CTNND2: variants seen among roughly 807,000 people sequenced by gnomAD.
CTNND2 encodes catenin delta-2.
In CTNND2, 22 loss-of-function variants were observed where a neutral mutation model predicts 144.4. The ratio of observed to expected loss-of-function variants is 0.15; its 90% CI spans 0.11 to 0.22. CTNND2 has a LOEUF of 0.22. Among genes scored for constraint, CTNND2 ranks in the 10% least tolerant of loss-of-function variants. The probability of loss-of-function intolerance (pLI) is 1.00; values close to 1 mark genes in which losing one functional copy is unlikely to be tolerated. For missense variants in CTNND2, 1,353 were observed against 1,618.8 expected, an observed-to-expected ratio of 0.84 and a Z score of 2.82; for synonymous variants, 751 against 695.6, an observed-to-expected ratio of 1.08 and a Z score of -1.25.
At chr5:11,752,535 G>GTCTGT (rs1788680974) in intron 1 of CTNND2, among the ~76,000 whole-genome samples, 4 of 149,916 alleles carry the variant, frequency 2.7e-5, no homozygotes, top group Admixed American at 2.0e-4. Flanking sequence ...TGGTCTATGT[G>GTCTGT]TCTGTTCTTT....
intron 3 of CTNND2, among the ~76,000 whole-genome samples, chr5:11,537,023 C>T (rs1032635796): frequency 4.6e-5 from 7 of 151,562 alleles, no homozygotes; most frequent in African/African-American, 1.4e-4. Context: ...CCATCCGAGA[C>T]CAAGTGAATC....
At chr5:11,367,573 A>G (rs1472311680) in intron 7 of CTNND2, among the ~76,000 whole-genome samples, 1 of 152,220 alleles carries the variant, frequency 6.6e-6, no homozygotes, top group Admixed American at 6.5e-5. Context: ...CAAGCGTCAC[A>G]CTGGACTCAA....
intron 10 of CTNND2, among the ~76,000 whole-genome samples, chr5:11,228,571 G>A (rs369138536): frequency 8.7e-5 from 13 of 150,002 alleles, no homozygotes; most frequent in South Asian, 4.2e-4. Flanking sequence ...CTACAGCCTC[G>A]TCCTCCCAGG....
In CTNND2 at chr5:11,007,593, G is replaced by A. The variant is rs148020076; in HGVS notation, c.3084+10381C>T. Among the ~76,000 whole-genome samples the A allele has an allele frequency of 7.9e-5, 12 of 152,386 alleles. No individual in the cohort carries two copies. In the East Asian group the frequency reaches 2.1e-3, roughly 27 times the overall value. ...TATATTGTTCCAGCTACAAAACGGA[G>A]TCTGAAAACGTACAGTTCTCTTTCC... is the stretch of plus-strand genomic sequence containing the variant. On this transcript the variant is annotated intron_variant, in intron 18 of 21. Coordinates refer to ENST00000304623, the MANE Select transcript of CTNND2 (RefSeq NM_001332.4).
At chr5:11,035,779 G>C (rs1744001757) in intron 16 of CTNND2, among the ~76,000 whole-genome samples, 1 of 151,842 alleles carries the variant, frequency 6.6e-6, no homozygotes, top group Non-Finnish European at 1.5e-5. Flanking sequence ...TTGAGGATGT[G>C]CAATAAGTTA....
rs557952456 is a variant in CTNND2, at chr5:11,162,086, G to T, written c.1976-2327C>A. On this transcript the variant is annotated intron_variant, in intron 11 of 21. Transcript: ENST00000304623. Reference sequence around the variant, plus strand: ...AATTGCTTGAACCTGGGAGTGGGGGGGGGTTGCAGTGAGCTGAGATCGTGC... The same window carrying T: ...AATTGCTTGAACCTGGGAGTGGGGGTGGGTTGCAGTGAGCTGAGATCGTGC... Among the ~76,000 whole-genome samples, 30 of 152,068 alleles carry T rather than the reference G, an allele frequency of 2.0e-4. No homozygotes were observed. In the South Asian group the frequency reaches 3.3e-3, roughly 17 times the overall value.
At chr5:11,679,270 TAC>T (rs1784321420) in intron 2 of CTNND2, among the ~76,000 whole-genome samples, 1 of 152,114 alleles carries the variant, frequency 6.6e-6, no homozygotes, top group Non-Finnish European at 1.5e-5. Flanking sequence ...ATAACTCTAC[TAC>T]ACACACATTA....
At position 11,641,792 on chromosome 5, in the gene CTNND2, G is replaced by A. The variant is rs542942418; in HGVS notation, c.175-76736C>T. 1.2e-4 allele frequency among the ~76,000 whole-genome samples: 17 copies of A among 143,884 alleles called. No individual in the cohort carries two copies. In the South Asian group the frequency reaches 3.1e-3, roughly 26 times the overall value. The allele number at this position is 143,884 out of a possible 152,430, so 94.4% of individuals were successfully genotyped here. A position where few individuals can be genotyped will look rare whatever the true frequency, so the allele number is the denominator to read the frequency against. ...CGTATATGTATGTACATACATACACGTGTACATACACGTGTATGTACATAC... is the reference window on the plus strand; with the variant it reads ...CGTATATGTATGTACATACATACACATGTACATACACGTGTATGTACATAC... On this transcript the variant is annotated intron_variant, in intron 2 of 21. Transcript: ENST00000304623.
intron 11 of CTNND2, among the ~76,000 whole-genome samples, chr5:11,188,074 T>C (rs1483550920): frequency 1.3e-5 from 2 of 152,044 alleles, no homozygotes; most frequent in Non-Finnish European, 1.5e-5. Flanking sequence ...ACCAGAAATA[T>C]CATTTGACCC....
At chr5:11,653,087 G>GTC (rs905344392) in intron 2 of CTNND2, among the ~76,000 whole-genome samples, 16 of 148,868 alleles carry the variant, frequency 1.1e-4, no homozygotes, top group Admixed American at 7.4e-4. Context: ...GTGTGTGTGT[G>GTC]TGTGTGTGTG....
At chr5:11,842,644 G>A (rs916244820) in intron 1 of CTNND2, among the ~76,000 whole-genome samples, 1 of 151,778 alleles carries the variant, frequency 6.6e-6, no homozygotes, top group Non-Finnish European at 1.5e-5. Context: ...GCGTGAACCT[G>A]GGAGGCAGAG....
In CTNND2 at chr5:11,384,569, G is replaced by A; in HGVS notation, c.1177+96C>T. The A allele has an allele frequency of 1.7e-6, 2 of 1,180,374 alleles. No homozygotes were observed. Among genetic ancestry groups the A allele is most frequent in the Non-Finnish European group, 2.3e-6 (2 of 859,586 alleles). 73.1% of individuals were successfully genotyped at this position (1,180,374 alleles called of 1,614,324 possible). On this transcript the variant is annotated intron_variant, in intron 7 of 21. Coordinates refer to ENST00000304623, the MANE Select transcript of CTNND2 (RefSeq NM_001332.4). This position sits in a 1 kb window ranked among gnomAD's most constrained non-coding sequence, Gnocchi z 5.2. ...TGCAACTACTACAACCTGGCAGACAGCGCGCCCGGCTTCGCTTCTGCTCAA... is the reference window on the plus strand; with the variant it reads ...TGCAACTACTACAACCTGGCAGACAACGCGCCCGGCTTCGCTTCTGCTCAA...
chr5:11,196,395 A>G (rs1175328394), intron 11 of CTNND2, among the ~76,000 whole-genome samples: 1 of 152,192 alleles, frequency 6.6e-6, no homozygotes, highest in East Asian at 1.9e-4. Context: ...CATCCATGAG[A>G]TAATAGGTAG....
chr5:11,818,432 G>C (rs182542483), intron 1 of CTNND2, among the ~76,000 whole-genome samples: 34 of 151,388 alleles, frequency 2.2e-4, no homozygotes, highest in Admixed American at 1.9e-3. Flanking sequence ...GCAGCGATGT[G>C]ATCTCGGCTC....
intron 16 of CTNND2, among the ~76,000 whole-genome samples, chr5:11,063,318 G>A (rs1747207649): frequency 6.6e-6 from 1 of 152,060 alleles, no homozygotes; most frequent in Admixed American, 6.5e-5. Flanking sequence ...TCCATCTGGT[G>A]AATGCATTTC....
At chr5:11,617,180 T>C (rs1036537429) in intron 2 of CTNND2, among the ~76,000 whole-genome samples, 3 of 152,154 alleles carry the variant, frequency 2.0e-5, no homozygotes, top group Non-Finnish European at 4.4e-5. Flanking sequence ...ATACACATAA[T>C]AGTGTTTTTC....
At chr5:11,464,267 G>A (rs1216214534) in intron 3 of CTNND2, among the ~76,000 whole-genome samples, 7 of 152,148 alleles carry the variant, frequency 4.6e-5, no homozygotes, top group Non-Finnish European at 8.8e-5. Flanking sequence ...ATGTTAGAAG[G>A]TGATGAAAAA....
At chr5:11,353,554 C>T (rs1282749004) in intron 8 of CTNND2, among the ~76,000 whole-genome samples, 1 of 152,132 alleles carries the variant, frequency 6.6e-6, no homozygotes, top group Admixed American at 6.5e-5. Context: ...CCTGTAATTC[C>T]AGCACTTTGG....
Position 11,384,597 on chromosome 5 carries a change from C to A in CTNND2, c.1177+68G>T. On this transcript the variant is annotated intron_variant, in intron 7 of 21. Coordinates refer to ENST00000304623, the MANE Select transcript of CTNND2 (RefSeq NM_001332.4). The surrounding 1 kb of genome is among the most constrained non-coding windows in gnomAD (Gnocchi z 5.2). ...CGCCCGGCTTCGCTTCTGCTCAAGCCGGGCTGCTGCTTCCGCGTCCCCGCC... is the reference window on the plus strand; with the variant it reads ...CGCCCGGCTTCGCTTCTGCTCAAGCAGGGCTGCTGCTTCCGCGTCCCCGCC... 1.4e-6 allele frequency: 2 copies of A among 1,460,668 alleles called. No homozygotes were observed. Among genetic ancestry groups the A allele is most frequent in the Non-Finnish European group, 9.2e-7 (1 of 1,090,146 alleles). The allele number at this position is 1,460,668 out of a possible 1,614,324, so 90.5% of individuals were successfully genotyped here. A position where few individuals can be genotyped will look rare whatever the true frequency, so the allele number is the denominator to read the frequency against.
Sources: gnomAD v4.1 joint callset for allele counts (sites outside exome capture counted in the v4.1 genomes callset) on GRCh38, gnomAD v4.1.1 for gene constraint, Gnocchi (gnomAD v3.1) non-coding constraint, MANE v1.5 for transcripts, NCBI Gene and HGNC (gene_info 2026-07-23, HGNC 2026-07-21) for gene names.